Variants in ARL15 observed in about 807,000 individuals in gnomAD.
The protein encoded by ARL15 is ARF like GTPase 15, also known as ADP-ribosylation factor-like protein 15.
Under a neutral mutation model 25.2 loss-of-function variants are expected in ARL15, and 19 were observed. The ratio of observed to expected loss-of-function variants is 0.75; its 90% CI spans 0.53 to 1.10. ARL15 has a LOEUF of 1.10. Ranked by LOEUF, ARL15 falls within the 50% of genes least tolerant of loss-of-function variation. The pLI is 0.00. For missense variants in ARL15, 220 were observed against 246.0 expected, an observed-to-expected ratio of 0.89 and a Z score of 0.71; for synonymous variants, 94 against 86.8, an observed-to-expected ratio of 1.08 and a Z score of -0.46.
intron 4 of ARL15, among the ~76,000 whole-genome samples, chr5:54,014,410 G>A (rs575052492): frequency 6.6e-6 from 1 of 152,198 alleles, no homozygotes; most frequent in Non-Finnish European, 1.5e-5. Context: ...CTATTTACAA[G>A]TTAATCTCTG....
chr5:54,013,284 C>A (rs1328449236), intron 4 of ARL15, among the ~76,000 whole-genome samples: 1 of 152,088 alleles, frequency 6.6e-6, no homozygotes, highest in East Asian at 1.9e-4. Flanking sequence ...AATCTGAAAC[C>A]ACCTTTGCAA....
chr5:53,985,395 ACCAT>A lies in ARL15; in HGVS notation c.463-98686_463-98683del, dbSNP rs577350420. 4.6e-3 allele frequency among the ~76,000 whole-genome samples: 704 copies of A among 152,306 alleles called. 4 individuals carry two copies. Among genetic ancestry groups the A allele is most frequent in the Middle Eastern group, 0.014 (4 of 294 alleles). On this transcript the variant is annotated intron_variant, in intron 4 of 4. Transcript: ENST00000504924. ...TTCATAATGTTGTGCAACCATCACCACCATCCATCGCCATTACTCTTTTCATCTT... is the reference window on the plus strand; with the variant it reads ...TTCATAATGTTGTGCAACCATCACCACCATCGCCATTACTCTTTTCATCTT...
intron 4 of ARL15, among the ~76,000 whole-genome samples, chr5:54,031,969 G>A (rs1750007050): frequency 6.6e-6 from 1 of 152,140 alleles, no homozygotes; most frequent in South Asian, 2.1e-4. Flanking sequence ...TCCAATCACT[G>A]GTCAGGTATG....
At chr5:54,169,388 C>T (rs1342326913) in intron 2 of ARL15, among the ~76,000 whole-genome samples, 2 of 152,186 alleles carry the variant, frequency 1.3e-5, no homozygotes, top group African/African-American at 4.8e-5. Context: ...AAAGTACCTA[C>T]TTCCACCAGA....
intron 3 of ARL15, among the ~76,000 whole-genome samples, chr5:54,141,888 A>T (rs1753792547): frequency 6.6e-6 from 1 of 152,220 alleles, no homozygotes; most frequent in East Asian, 1.9e-4. Flanking sequence ...ATGTTGTTGC[A>T]TGTATCAATA....
chr5:53,893,599 C>CT, intron 4 of ARL15, among the ~76,000 whole-genome samples: 1 of 151,916 alleles, frequency 6.6e-6, no homozygotes, highest in East Asian at 2.0e-4. Context: ...CAGAGCGAGA[C>CT]TCCATCTCAA....
intron 1 of ARL15, among the ~76,000 whole-genome samples, chr5:54,185,935 A>G (rs963509015): frequency 6.6e-6 from 1 of 152,156 alleles, no homozygotes; most frequent in African/African-American, 2.4e-5. Context: ...CCAAATCCCA[A>G]TGGTGGCTAA....
chr5:54,057,279 G>A (rs10042179), intron 4 of ARL15, among the ~76,000 whole-genome samples: 3,246 of 152,238 alleles, frequency 0.021, 91 homozygotes, highest in African/African-American at 0.058. Context: ...TTTTCTGTCT[G>A]ATATTCCTGG....
chr5:54,003,073 G>A (rs1199043657), intron 4 of ARL15, among the ~76,000 whole-genome samples: 2 of 152,196 alleles, frequency 1.3e-5, no homozygotes, highest in African/African-American at 4.8e-5. Flanking sequence ...ACTCTGGGCT[G>A]TACCTGAAGC....
intron 4 of ARL15, among the ~76,000 whole-genome samples, chr5:54,005,684 C>A (rs771834818): frequency 5.3e-5 from 8 of 151,876 alleles, no homozygotes; most frequent in South Asian, 2.1e-4. Context: ...TAACAAGGTG[C>A]AACCCCATCT....
chr5:53,927,519 G>A (rs1369525148), intron 4 of ARL15, among the ~76,000 whole-genome samples: 1 of 152,126 alleles, frequency 6.6e-6, no homozygotes, highest in Non-Finnish European at 1.5e-5. Context: ...TGAAGCCTTT[G>A]GAATAAAGTT....
At chr5:54,278,197 T>C (rs985974313) in intron 1 of ARL15, among the ~76,000 whole-genome samples, 2 of 152,190 alleles carry the variant, frequency 1.3e-5, no homozygotes, top group African/African-American at 4.8e-5. Context: ...CACAACACCT[T>C]TGGAAAATGC....
At chr5:54,075,429 G>A (rs74978588) in intron 4 of ARL15, 5,409 of 153,536 alleles carry the variant, frequency 0.035, 332 homozygotes, top group African/African-American at 0.12. Flanking sequence ...AGCCAAAGGC[G>A]AAAAGCAAAA....
chr5:54,151,307 T>C (rs566232650), intron 3 of ARL15, among the ~76,000 whole-genome samples: 86 of 152,326 alleles, frequency 5.6e-4, no homozygotes, highest in Non-Finnish European at 7.9e-4. Flanking sequence ...GGCTAGACTA[T>C]CACTGTGTCA....
In ARL15 at chr5:54,015,257, A is replaced by G. The variant is rs1028400816; in HGVS notation, c.462+97945T>C. On this transcript the variant is annotated intron_variant, in intron 4 of 4. Transcript: ENST00000504924. ...CGGTGAGCCAAGATCGCACCACTGC[A>G]CTCCAGCCTAGGTAACAATAGCGAA... 4.0e-5 allele frequency among the ~76,000 whole-genome samples: 6 copies of G among 151,434 alleles called. 1 individual carries two copies. The highest frequency in any genetic ancestry group is 4.0e-4 in the Admixed American group (6 of 15,158).
Position 54,037,163 on chromosome 5 carries a change from AC to A in ARL15, c.462+76038del, listed in dbSNP as rs576271090. On this transcript the variant is annotated intron_variant, in intron 4 of 4. Transcript: ENST00000504924. ...TTTTTAAATCCCCACAATATCTAAA[AC>A]TTTTACCCTTGAAAGAAAACACACT... is the stretch of plus-strand genomic sequence containing the variant. 8.3e-3 allele frequency among the ~76,000 whole-genome samples: 1,262 copies of A among 152,130 alleles called. 24 individuals carry two copies. The highest frequency in any genetic ancestry group is 0.029 in the African/African-American group (1,206 of 41,530).
chr5:53,998,369 T>C (rs1387934325), intron 4 of ARL15, among the ~76,000 whole-genome samples: 2 of 152,156 alleles, frequency 1.3e-5, no homozygotes, highest in African/African-American at 4.8e-5. Flanking sequence ...CTCAGCCCTT[T>C]AGTTTCTCCC....
intron 4 of ARL15, among the ~76,000 whole-genome samples, chr5:53,962,806 G>C (rs1219977000): frequency 6.6e-6 from 1 of 152,064 alleles, no homozygotes; most frequent in Non-Finnish European, 1.5e-5. Context: ...ATGGATATTA[G>C]AAGAAAGGAA....
chr5:54,147,886 T>C (rs1753957616), intron 3 of ARL15, among the ~76,000 whole-genome samples: 1 of 152,220 alleles, frequency 6.6e-6, no homozygotes, highest in African/African-American at 2.4e-5. Context: ...ACGTCTCCTC[T>C]GGCTTTGCAG....
Sources: gnomAD v4.1 joint callset for allele counts (sites outside exome capture counted in the v4.1 genomes callset) on GRCh38, gnomAD v4.1.1 for gene constraint, MANE v1.5 for transcripts, NCBI Gene and HGNC (gene_info 2026-07-23, HGNC 2026-07-21) for gene names.